The following PPM1H variants were observed in gnomAD, a reference collection of about 807,000 sequenced individuals.
The protein encoded by PPM1H is protein phosphatase, Mg2+/Mn2+ dependent 1H, also known as protein phosphatase 1H.
A neutral mutation model predicts 54.9 loss-of-function variants in PPM1H; 27 were observed. The ratio of observed to expected loss-of-function variants is 0.49; its 90% CI spans 0.36 to 0.68. The LOEUF is 0.68. Ranked by LOEUF, PPM1H falls within the 30% of genes least tolerant of loss-of-function variation. The probability of loss-of-function intolerance (pLI) is 0.00; values close to 1 mark genes in which losing one functional copy is unlikely to be tolerated. For missense variants in PPM1H, 596 were observed against 667.8 expected, an observed-to-expected ratio of 0.89 and a Z score of 1.19; for synonymous variants, 305 against 270.8, an observed-to-expected ratio of 1.13 and a Z score of -1.24.
intron 8 of PPM1H, among the ~76,000 whole-genome samples, chr12:62,673,363 C>A (rs1319379125): frequency 6.6e-6 from 1 of 152,224 alleles, no homozygotes; most frequent in Non-Finnish European, 1.5e-5. Flanking sequence ...TTGTGTAATA[C>A]TTGCTCCCAT....
chr12:62,904,858 A>G (rs747719907), intron 1 of PPM1H, among the ~76,000 whole-genome samples: 3 of 152,198 alleles, frequency 2.0e-5, no homozygotes. Context: ...TTCTTAGAAA[A>G]AATCAATGCA....
chr12:62,928,445 G>C (rs1872038515), intron 1 of PPM1H, among the ~76,000 whole-genome samples: 1 of 152,154 alleles, frequency 6.6e-6, no homozygotes, highest in Admixed American at 6.5e-5. Flanking sequence ...ATGGTCAGTA[G>C]GAAACACAGT....
At chr12:62,799,702 TCAGA>T (rs2076755182) in intron 3 of PPM1H, among the ~76,000 whole-genome samples, 1 of 152,254 alleles carries the variant, frequency 6.6e-6, no homozygotes, top group Non-Finnish European at 1.5e-5. Context: ...TTGCAGGCTA[TCAGA>T]CAGTCTTGAG....
intron 5 of PPM1H, among the ~76,000 whole-genome samples, chr12:62,723,255 G>A (rs1036622908): frequency 6.6e-6 from 1 of 151,182 alleles, no homozygotes; most frequent in Non-Finnish European, 1.5e-5. Flanking sequence ...TCAATTTGAA[G>A]TATGATTTCT....
At chr12:62,918,919 A>G (rs940521317) in intron 1 of PPM1H, among the ~76,000 whole-genome samples, 1 of 152,242 alleles carries the variant, frequency 6.6e-6, no homozygotes, top group Non-Finnish European at 1.5e-5. Context: ...AGGTGATAGA[A>G]TATATGGATA....
chr12:62,908,452 C>T (rs1871367096), intron 1 of PPM1H, among the ~76,000 whole-genome samples: 1 of 148,590 alleles, frequency 6.7e-6, no homozygotes, highest in South Asian at 2.1e-4. Flanking sequence ...TTGAGTTTTG[C>T]TCATTTTTAT....
At chr12:62,906,719 C>G (rs925087631) in intron 1 of PPM1H, among the ~76,000 whole-genome samples, 6 of 152,064 alleles carry the variant, frequency 3.9e-5, no homozygotes, top group Non-Finnish European at 8.8e-5. Context: ...GTAGAGGCAA[C>G]AATAGAAGAA....
intron 1 of PPM1H, among the ~76,000 whole-genome samples, chr12:62,919,282 T>A (rs1592670971): frequency 6.6e-6 from 1 of 152,138 alleles, no homozygotes; most frequent in South Asian, 2.1e-4. Context: ...AACAAAATGA[T>A]CTTGACACTC....
At chr12:62,668,881 G>A (rs185984293) in intron 8 of PPM1H, among the ~76,000 whole-genome samples, 1 of 152,198 alleles carries the variant, frequency 6.6e-6, no homozygotes, top group African/African-American at 2.4e-5. Flanking sequence ...CCTGGCATGG[G>A]GCTGGTCCTG....
intron 1 of PPM1H, among the ~76,000 whole-genome samples, chr12:62,847,012 T>C (rs1236850608): frequency 6.6e-6 from 1 of 152,186 alleles, no homozygotes; most frequent in Non-Finnish European, 1.5e-5. Context: ...AGACATCATC[T>C]TTCCTTCCCA....
chr12:62,818,983 G>A (rs920425152), intron 2 of PPM1H, among the ~76,000 whole-genome samples: 2 of 151,772 alleles, frequency 1.3e-5, no homozygotes, highest in Non-Finnish European at 2.9e-5. Flanking sequence ...ACCAAGCCCA[G>A]CTAATTTTTT....
chr12:62,832,734 G>A (rs775854765), intron 1 of PPM1H, among the ~76,000 whole-genome samples: 7 of 152,076 alleles, frequency 4.6e-5, no homozygotes, highest in Non-Finnish European at 8.8e-5. Flanking sequence ...ACAGCATGTC[G>A]TAAAAATCCA....
At chr12:62,653,090 G>A (rs1425625814) in intron 9 of PPM1H, among the ~76,000 whole-genome samples, 1 of 152,158 alleles carries the variant, frequency 6.6e-6, no homozygotes, top group Non-Finnish European at 1.5e-5. Context: ...TTTTTGAGAA[G>A]TCTGTCTTTT....
At chr12:62,907,608 T>C (rs1871337951) in intron 1 of PPM1H, among the ~76,000 whole-genome samples, 1 of 152,140 alleles carries the variant, frequency 6.6e-6, no homozygotes, top group Non-Finnish European at 1.5e-5. Flanking sequence ...CTAGTCTAAG[T>C]CTCCTTTGTT....
At chr12:62,666,215 C>T (rs371428255) in intron 9 of PPM1H, among the ~76,000 whole-genome samples, 2 of 152,220 alleles carry the variant, frequency 1.3e-5, no homozygotes, top group African/African-American at 4.8e-5. Flanking sequence ...GCAGCTGAGA[C>T]TACAGGTATG....
At chr12:62,763,419 T>A (rs1565781459) in intron 4 of PPM1H, among the ~76,000 whole-genome samples, 1 of 152,216 alleles carries the variant, frequency 6.6e-6, no homozygotes. Context: ...GGAGCGGGCA[T>A]CAGGAGCAGA....
intron 1 of PPM1H, among the ~76,000 whole-genome samples, chr12:62,903,945 G>A (rs550043102): frequency 2.2e-4 from 34 of 152,200 alleles, no homozygotes; most frequent in African/African-American, 7.5e-4. Context: ...TGAAAGGGTC[G>A]ATTTATTTTT....
At chr12:62,930,472 T>C (rs1449735870) in intron 1 of PPM1H, among the ~76,000 whole-genome samples, 1 of 152,246 alleles carries the variant, frequency 6.6e-6, no homozygotes, top group Non-Finnish European at 1.5e-5. Flanking sequence ...CACAATATTG[T>C]TGCTCAAAAC....
At chr12:62,745,206 A>G (rs1329065546) in intron 4 of PPM1H, among the ~76,000 whole-genome samples, 2 of 151,916 alleles carry the variant, frequency 1.3e-5, no homozygotes, top group African/African-American at 4.8e-5. Flanking sequence ...AAAAAATTTT[A>G]TTATTTTTAA....
Sources: gnomAD v4.1 joint callset for allele counts (sites outside exome capture counted in the v4.1 genomes callset) on GRCh38, gnomAD v4.1.1 for gene constraint, MANE v1.5 for transcripts, NCBI Gene and HGNC (gene_info 2026-07-23, HGNC 2026-07-21) for gene names.